The following SH3BP4 variants were observed in gnomAD, a reference collection of about 807,000 sequenced individuals.
SH3BP4 encodes SH3 domain binding protein 4, also known as SH3 domain-binding protein 4.
Under a neutral mutation model 65.5 loss-of-function variants are expected in SH3BP4, and 33 were observed. The observed-to-expected ratio is 0.50, with a 90% CI of 0.38 to 0.67. SH3BP4 has a LOEUF of 0.67. SH3BP4 is among the 30% of genes least tolerant of loss of function. SH3BP4 has a pLI of 0.00. For synonymous variants in SH3BP4, 552 were observed against 545.5 expected, an observed-to-expected ratio of 1.01 and a Z score of -0.17; for missense variants, 1,134 against 1,261.4, an observed-to-expected ratio of 0.90 and a Z score of 1.53.
chr2:235,017,976 A>G (rs142359862), intron 2 of SH3BP4, among the ~76,000 whole-genome samples: 127 of 152,326 alleles, frequency 8.3e-4, no homozygotes, highest in Non-Finnish European at 1.6e-3. Context: ...CACCACCTAC[A>G]TAAACATTCT....
Position 235,042,102 on chromosome 2 carries a change from C to G in SH3BP4, c.1333C>G (p.Leu445Val). Reference protein sequence around the residue: ...GDTVQAQLHNLEPCMYVAVVA... With the variant: ...GDTVQAQLHNVEPCMYVAVVA... Reference sequence around the variant, plus strand: ...CACGGTCCAGGCACAGCTGCACAACCTGGAGCCCTGTATGTACGTGGCTGT... The same window carrying G: ...CACGGTCCAGGCACAGCTGCACAACGTGGAGCCCTGTATGTACGTGGCTGT... Residue 445 changes from leucine (L) to valine (V), a missense_variant, in exon 4 of 6, where the codon CTG (leucine) becomes GTG (valine). Leu to Val is a conservative substitution (Grantham distance 32). Coordinates refer to ENST00000392011, the MANE Select transcript of SH3BP4 (RefSeq NM_014521.3). The surrounding 1 kb of genome is among the most constrained non-coding windows in gnomAD (Gnocchi z 7.3). The G allele has an allele frequency of 6.2e-7, 1 of 1,614,070 alleles. No individual in the cohort carries two copies. Among genetic ancestry groups the G allele is most frequent in the Non-Finnish European group, 8.5e-7 (1 of 1,180,038 alleles).
chr2:234,957,287 G>A (rs991247964), intron 1 of SH3BP4, among the ~76,000 whole-genome samples: 1 of 152,086 alleles, frequency 6.6e-6, no homozygotes, highest in Non-Finnish European at 1.5e-5. Context: ...CCAAAGTGCT[G>A]GGATTACAGA....
chr2:234,960,090 G>A (rs1692672535), intron 1 of SH3BP4, among the ~76,000 whole-genome samples: 1 of 152,226 alleles, frequency 6.6e-6, no homozygotes, highest in African/African-American at 2.4e-5. Flanking sequence ...TATGTGTCCT[G>A]TGCATAAATG....
intron 1 of SH3BP4, among the ~76,000 whole-genome samples, chr2:234,966,559 T>A (rs527283514): frequency 6.6e-6 from 1 of 152,326 alleles, no homozygotes; most frequent in South Asian, 2.1e-4. Context: ...TCCGTGAACA[T>A]AGCAAGTATC....
In SH3BP4 at chr2:235,053,788, C is replaced by T; in HGVS notation, c.2864C>T (p.Pro955Leu). 1 of 1,614,228 alleles carries T rather than the reference C, an allele frequency of 6.2e-7. No homozygotes were observed. The highest frequency in any genetic ancestry group is 8.5e-7 in the Non-Finnish European group (1 of 1,180,028). The change falls in exon 6 of 6, where the codon CCT becomes CTT. Residue 955 changes from proline to leucine, a missense_variant. By Grantham distance (98) the Pro-to-Leu change is moderately conservative (BLOSUM62 -3). Coordinates refer to ENST00000392011, the MANE Select transcript of SH3BP4 (RefSeq NM_014521.3). ...GTTCTGAGAGCAGCCGCCTTCAGCCCTGCGGACCAGGACGACTTCGTGATT... is the reference window on the plus strand; with the variant it reads ...GTTCTGAGAGCAGCCGCCTTCAGCCTTGCGGACCAGGACGACTTCGTGATT... ...LDVLRAAAFS[P>L]ADQDDFVI is the part of the protein sequence containing the mutation.
chr2:234,964,527 GGTTGTA>G (rs67172564), intron 1 of SH3BP4, among the ~76,000 whole-genome samples: 98,469 of 151,096 alleles, frequency 0.65, 32,320 homozygotes, highest in Middle Eastern at 0.75. Context: ...GGGTTCATGA[GGTTGTA>G]GTTGTACTGG....
rs1363370007 is a variant in SH3BP4, at chr2:234,995,329, G to A, written c.-180G>A. 4 of 152,336 alleles carry A rather than the reference G, an allele frequency of 2.6e-5. No homozygotes were observed. The highest frequency in any genetic ancestry group is 5.9e-5 in the Non-Finnish European group (4 of 68,146). The allele number at this position is 152,336 out of a possible 1,614,324, so 9.4% of individuals were successfully genotyped here. On this transcript the variant is annotated 5_prime_UTR_variant, in exon 2 of 6. Transcript: ENST00000392011. ...GTCTCCCTTCTCTCCTGGACAGAAG[G>A]CCGTGTCCTGGGACTTCTCTGATGG...
intron 4 of SH3BP4, among the ~76,000 whole-genome samples, chr2:235,051,977 A>T (rs1461170193): frequency 6.6e-6 from 1 of 152,176 alleles, no homozygotes; most frequent in Non-Finnish European, 1.5e-5. Context: ...CCACAAACCA[A>T]GGGACATCAA....
chr2:235,038,239 TATATATATATTATATATA>T (rs200887052), intron 3 of SH3BP4, among the ~76,000 whole-genome samples: 2 of 34,114 alleles, frequency 5.9e-5, no homozygotes, highest in African/African-American at 2.4e-4. Flanking sequence ...ATATGTATTT[TATATATATATTATATATA>T]ATATATATTA....
Position 235,025,291 on chromosome 2 carries a change from CG to C in SH3BP4, c.-132-9579del, listed in dbSNP as rs1230931249. On this transcript the variant is annotated intron_variant, in intron 2 of 5. Coordinates refer to ENST00000392011, the MANE Select transcript of SH3BP4 (RefSeq NM_014521.3). ...TAGGTGAAGAGCTTTGACCCAGGAG[CG>C]CACTAGGGAAGCGAGCCAAGGTGTC... 6.6e-5 allele frequency among the ~76,000 whole-genome samples: 10 copies of C among 152,146 alleles called. No individual in the cohort carries two copies. The East Asian group carries it at 1.9e-3, about 29-fold the overall frequency.
intron 1 of SH3BP4, among the ~76,000 whole-genome samples, chr2:234,984,585 A>G (rs1224073294): frequency 1.3e-5 from 2 of 152,098 alleles, no homozygotes; most frequent in African/African-American, 4.8e-5. Flanking sequence ...ACAGAAGAAA[A>G]TATTTGCTTG....
chr2:235,014,905 A>T (rs1369460046), intron 2 of SH3BP4, among the ~76,000 whole-genome samples: 1 of 152,216 alleles, frequency 6.6e-6, no homozygotes, highest in Non-Finnish European at 1.5e-5. Context: ...TAATAAAACA[A>T]TGGGAACATA....
In SH3BP4 at chr2:234,991,900, G is replaced by A. The variant is rs568058011; in HGVS notation, c.-206-3403G>A. 3.5e-4 allele frequency among the ~76,000 whole-genome samples: 54 copies of A among 152,306 alleles called. No individual in the cohort carries two copies. The South Asian group carries it at 7.9e-3, about 22-fold the overall frequency. On this transcript the variant is annotated intron_variant, in intron 1 of 5. Transcript: ENST00000392011. This position sits in a 1 kb window ranked among gnomAD's most constrained non-coding sequence, Gnocchi z 4.2. Reference sequence around the variant, plus strand: ...TCCCTGCCCAGGGTCCAGTTCTGGCGTCTCTGAGCCCCCTGTCAGGGCAGC... The same window carrying A: ...TCCCTGCCCAGGGTCCAGTTCTGGCATCTCTGAGCCCCCTGTCAGGGCAGC...
At chr2:235,029,896 A>G (rs930692491) in intron 2 of SH3BP4, among the ~76,000 whole-genome samples, 1 of 152,172 alleles carries the variant, frequency 6.6e-6, no homozygotes, top group African/African-American at 2.4e-5. Context: ...CAGCGGAGCT[A>G]AGAGATGAGG....
chr2:234,982,740 A>G (rs1453802062), intron 1 of SH3BP4, among the ~76,000 whole-genome samples: 1 of 151,770 alleles, frequency 6.6e-6, no homozygotes, highest in Non-Finnish European at 1.5e-5. Flanking sequence ...TGTATAGGGG[A>G]GTTTGAGGGT....
At chr2:235,006,342 C>T (rs769429731) in intron 2 of SH3BP4, among the ~76,000 whole-genome samples, 28 of 152,154 alleles carry the variant, frequency 1.8e-4, no homozygotes, top group Admixed American at 4.6e-4. Context: ...GGGTATCATA[C>T]GCATCATGGG....
Position 234,991,583 on chromosome 2 carries a change from G to A in SH3BP4, c.-206-3720G>A, listed in dbSNP as rs78722206. Among the ~76,000 whole-genome samples the A allele has an allele frequency of 8.5e-5, 13 of 152,298 alleles. No homozygotes were observed. The East Asian group carries it at 2.3e-3, about 27-fold the overall frequency. The stretch of plus-strand genomic sequence containing the variant: ...TAATTCCATCCACCCACGCTAAACC[G>A]TGTGGTTTTCTTGGGGCCCCTGAAG... On this transcript the variant is annotated intron_variant, in intron 1 of 5. Transcript: ENST00000392011. This position sits in a 1 kb window ranked among gnomAD's most constrained non-coding sequence, Gnocchi z 4.2.
intron 2 of SH3BP4, among the ~76,000 whole-genome samples, chr2:235,021,866 C>G (rs916997263): frequency 3.3e-5 from 5 of 152,132 alleles, no homozygotes; most frequent in African/African-American, 1.2e-4. Flanking sequence ...AAGATGACAT[C>G]ACATGAGTCA....
chr2:235,023,008 G>T (rs907104023), intron 2 of SH3BP4, among the ~76,000 whole-genome samples: 1 of 152,110 alleles, frequency 6.6e-6, no homozygotes, highest in Non-Finnish European at 1.5e-5. Flanking sequence ...GAGTAATAAG[G>T]CCAGGAGAAA....
Sources: gnomAD v4.1 joint callset for allele counts (sites outside exome capture counted in the v4.1 genomes callset) on GRCh38, gnomAD v4.1.1 for gene constraint, Gnocchi (gnomAD v3.1) non-coding constraint, MANE v1.5 for transcripts, NCBI Gene and HGNC (gene_info 2026-07-23, HGNC 2026-07-21) for gene names.